MEX3C: variants seen among roughly 807,000 people sequenced by gnomAD.
MEX3C encodes RNA-binding E3 ubiquitin-protein ligase MEX3C.
In MEX3C, 15 loss-of-function variants were observed where a neutral mutation model predicts 35.5. That is an observed-to-expected ratio of 0.42 (90% CI 0.28 to 0.65). The LOEUF (loss-of-function observed/expected upper bound fraction) is 0.65. Among genes scored for constraint, MEX3C ranks in the 30% least tolerant of loss-of-function variants. The probability of loss-of-function intolerance (pLI) is 0.20; values close to 1 mark genes in which losing one functional copy is unlikely to be tolerated. For synonymous variants in MEX3C, 390 were observed against 352.8 expected, an observed-to-expected ratio of 1.11 and a Z score of -1.18; for missense variants, 711 against 842.8, an observed-to-expected ratio of 0.84 and a Z score of 1.94.
In MEX3C at chr18:51,190,049, A is replaced by C. The variant is rs181042025; in HGVS notation, c.754+6518T>G. Among the ~76,000 whole-genome samples the C allele has an allele frequency of 4.6e-5, 7 of 152,272 alleles. No homozygotes were observed. The East Asian group carries it at 1.3e-3, about 29-fold the overall frequency. On this transcript the variant is annotated intron_variant, in intron 1 of 1. Transcript: ENST00000406189. ...TCTCTGTACTTTCAATTGTACTGTCAATTTCTACTAATGCTATCTTCTCAG... is the reference window on the plus strand; with the variant it reads ...TCTCTGTACTTTCAATTGTACTGTCCATTTCTACTAATGCTATCTTCTCAG...
In MEX3C at chr18:51,177,034, G is replaced by C. The variant is rs1364558996; in HGVS notation, c.1297C>G (p.Pro433Ala). Residue 433 changes from proline to alanine, a missense_variant, in exon 2 of 2, where the codon CCT becomes GCT. This residue lies in a region of MEX3C where 187 missense variants were observed against 201.7 expected (regional missense o/e 0.93). Transcript: ENST00000406189. The surrounding 1 kb of genome is among the most constrained non-coding windows in gnomAD (Gnocchi z 4.2). ...SAWLSSNPVP[P>A]SRARMISNYR... ...TTGGATATCATTCTTGCGCGGCTAG[G>C]AGGAACAGGATTGGAGGAGAGCCAC... is the stretch of plus-strand genomic sequence containing the variant. 2 of 1,614,028 alleles carry C rather than the reference G, an allele frequency of 1.2e-6. No individual in the cohort carries two copies. Among genetic ancestry groups the C allele is most frequent in the Admixed American group, 1.7e-5 (1 of 60,012 alleles).
chr18:51,180,023 T>C (rs1353156894), intron 1 of MEX3C, among the ~76,000 whole-genome samples: 2 of 119,268 alleles, frequency 1.7e-5, no homozygotes, highest in Non-Finnish European at 3.8e-5. Flanking sequence ...AAGGGAGAAT[T>C]AGTCTAAGGG....
intron 1 of MEX3C, chr18:51,195,878 T>C (rs1211538254): frequency 6.6e-6 from 1 of 152,264 alleles, no homozygotes; most frequent in Non-Finnish European, 1.5e-5. Context: ...ATTACCTTAG[T>C]GTCCATTTTT....
At chr18:51,184,577 CTGTG>C (rs1430851528) in intron 1 of MEX3C, among the ~76,000 whole-genome samples, 6 of 152,136 alleles carry the variant, frequency 3.9e-5, no homozygotes, top group Non-Finnish European at 8.8e-5. Flanking sequence ...TAGCTTTTGG[CTGTG>C]TGTGATGCCT....
chr18:51,189,129 T>C (rs1310085767), intron 1 of MEX3C, among the ~76,000 whole-genome samples: 2 of 152,240 alleles, frequency 1.3e-5, no homozygotes, highest in Non-Finnish European at 2.9e-5. Flanking sequence ...GACACAAGTT[T>C]GTTGTTATTA....
intron 1 of MEX3C, among the ~76,000 whole-genome samples, chr18:51,183,154 G>A (rs562298211): frequency 2.3e-4 from 35 of 152,272 alleles, no homozygotes; most frequent in African/African-American, 8.2e-4. Context: ...AGCTTGTGGA[G>A]GCCAGACAGC....
rs1206127251 is a variant in MEX3C at position 51,197,231 on chromosome 18, C to CGGCGGT, written c.84_89dup (p.Pro30_Pro31dup). ...GGCCGCCCGAGGGCGGCGGCAGAGG[C>CGGCGGT]GGCGGTGGCGGCGGCGGCGGCGGGG... On this transcript the variant is annotated inframe_insertion, in exon 1 of 2. Coordinates refer to ENST00000406189, the MANE Select transcript of MEX3C (RefSeq NM_016626.5). 11 of 987,900 alleles carry CGGCGGT rather than the reference C, an allele frequency of 1.1e-5. No homozygotes were observed. In the South Asian group the frequency reaches 2.3e-4, roughly 20 times the overall value. 61.2% of individuals were successfully genotyped at this position (987,900 alleles called of 1,614,324 possible).
At chr18:51,189,576 G>A (rs915153934) in intron 1 of MEX3C, among the ~76,000 whole-genome samples, 1 of 152,012 alleles carries the variant, frequency 6.6e-6, no homozygotes, top group African/African-American at 2.4e-5. Context: ...TTTTAGACAA[G>A]ACAATAAAAA....
chr18:51,191,842 A>G (rs1912656321), intron 1 of MEX3C, among the ~76,000 whole-genome samples: 1 of 152,162 alleles, frequency 6.6e-6, no homozygotes, highest in South Asian at 2.1e-4. Flanking sequence ...TGGCACAGGA[A>G]TATCTATTTC....
At chr18:51,179,177 G>A (rs1912370936) in intron 1 of MEX3C, among the ~76,000 whole-genome samples, 1 of 151,858 alleles carries the variant, frequency 6.6e-6, no homozygotes, top group African/African-American at 2.4e-5. Context: ...ATAATTTTTT[G>A]TATTTTTAGT....
chr18:51,181,796 CTTAT>C (rs1296728667), intron 1 of MEX3C, among the ~76,000 whole-genome samples: 6 of 151,992 alleles, frequency 3.9e-5, no homozygotes, highest in African/African-American at 1.5e-4. Context: ...ACTGTATATT[CTTAT>C]TTATTTTTTT....
chr18:51,185,066 T>C (rs1202973025), intron 1 of MEX3C, among the ~76,000 whole-genome samples: 5 of 152,330 alleles, frequency 3.3e-5, no homozygotes, highest in Non-Finnish European at 7.3e-5. Flanking sequence ...TGTTTTTACA[T>C]ATATTTGTTA....
chr18:51,184,647 A>C (rs1249260931), intron 1 of MEX3C, among the ~76,000 whole-genome samples: 2 of 152,140 alleles, frequency 1.3e-5, no homozygotes, highest in African/African-American at 4.8e-5. Context: ...ACTTGAGTTC[A>C]GGAGTTTGAA....
intron 1 of MEX3C, among the ~76,000 whole-genome samples, chr18:51,181,879 CAA>C (rs1002824781): frequency 1.3e-4 from 20 of 151,988 alleles, no homozygotes; most frequent in African/African-American, 4.6e-4. Context: ...AAAAGAAAAA[CAA>C]ATTAAATATA....
At chr18:51,192,956 T>C (rs1398523644) in intron 1 of MEX3C, 3 of 152,160 alleles carry the variant, frequency 2.0e-5, no homozygotes, top group African/African-American at 7.2e-5. Context: ...TACTTCTCCT[T>C]GAAGAGAAAA....
intron 1 of MEX3C, chr18:51,195,665 A>G (rs1194407601): frequency 6.6e-6 from 1 of 152,196 alleles, no homozygotes; most frequent in East Asian, 1.9e-4. Context: ...GCTACCATAA[A>G]GAACTTAGGA....
chr18:51,177,703 A>G lies in MEX3C; in HGVS notation c.755-127T>C, dbSNP rs1400989363. On this transcript the variant is annotated intron_variant, in intron 1 of 1. Transcript: ENST00000406189. This position sits in a 1 kb window ranked among gnomAD's most constrained non-coding sequence, Gnocchi z 4.2. Reference sequence around the variant, plus strand: ...GGTTAAGTTTTAGAGTTTTTCACATAGCTAGGAAGTGGCAGAGCCAGAAGT... The same window carrying G: ...GGTTAAGTTTTAGAGTTTTTCACATGGCTAGGAAGTGGCAGAGCCAGAAGT... The G allele has an allele frequency of 3.6e-6, 4 of 1,111,628 alleles. No individual in the cohort carries two copies. The highest frequency in any genetic ancestry group is 5.7e-5 in the Admixed American group (2 of 35,148). 68.9% of individuals were successfully genotyped at this position (1,111,628 alleles called of 1,614,324 possible).
chr18:51,196,377 CG>C, intron 1 of MEX3C, 189 bp downstream of exon 1: 1 of 1,287,922 alleles, frequency 7.8e-7, no homozygotes, highest in Non-Finnish European at 1.0e-6. Context: ...GCAAGACGGG[CG>C]GAAAAGCGTG....
intron 1 of MEX3C, among the ~76,000 whole-genome samples, chr18:51,192,476 G>C (rs1387712776): frequency 6.6e-6 from 1 of 152,124 alleles, no homozygotes; most frequent in African/African-American, 2.4e-5. Flanking sequence ...ACAAATGACA[G>C]TAAATTTTTA....
Sources: gnomAD v4.1 joint callset for allele counts (sites outside exome capture counted in the v4.1 genomes callset) on GRCh38, gnomAD v4.1.1 for gene constraint, gnomAD v4.1.1 regional missense constraint, Gnocchi (gnomAD v3.1) non-coding constraint, MANE v1.5 for transcripts, NCBI Gene and HGNC (gene_info 2026-07-23, HGNC 2026-07-21) for gene names.